Variants in SURF4 observed in about 807,000 individuals in gnomAD.
The protein encoded by SURF4 is surfeit locus protein 4.
In SURF4, 3 loss-of-function variants were observed where a neutral mutation model predicts 30.0. The observed-to-expected ratio is 0.10, with a 90% CI of 0.05 to 0.26. SURF4 has a LOEUF of 0.26. Among genes scored for constraint, SURF4 ranks in the 10% least tolerant of loss-of-function variants. SURF4 has a pLI of 1.00. For missense variants in SURF4, 217 were observed against 350.8 expected (o/e 0.62, Z 3.05); for synonymous variants, 143 against 139.9 (o/e 1.02, Z -0.16).
At chr9:133,376,343 G>T (rs909078119), upstream of SURF4, 12 of 1,381,398 alleles carry the variant, frequency 8.7e-6, no homozygotes, top group Non-Finnish European at 1.1e-5. Flanking sequence ...GGGGTCTGGG[G>T]CCAGCGCGCG....
At position 133,362,323 on chromosome 9, in the gene SURF4, AAC is replaced by A. The variant is rs923606595; in HGVS notation, c.*1168_*1169del. 1.3e-5 allele frequency: 2 copies of A among 152,652 alleles called. No individual in the cohort carries two copies. Among genetic ancestry groups the A allele is most frequent in the Non-Finnish European group, 2.9e-5 (2 of 68,036 alleles). 9.5% of individuals were successfully genotyped at this position (152,652 alleles called of 1,614,324 possible). A position where few individuals can be genotyped will look rare whatever the true frequency, so the allele number is the denominator to read the frequency against. ...GCAGTTAAGCTCCCCCAAAAAGAGA[AAC>A]ACAGTATAAGGCAGTGTTAGAAAAC... On this transcript the variant is annotated 3_prime_UTR_variant, in exon 6 of 6. Coordinates refer to ENST00000371989, the MANE Select transcript of SURF4 (RefSeq NM_033161.4).
At chr9:133,367,538 C>G (rs2130145389) in intron 1 of SURF4, 93 bp from the exon 2 acceptor site, 2 of 1,584,240 alleles carry the variant, frequency 1.3e-6, no homozygotes. Flanking sequence ...GTGTGAGGAA[C>G]AGACGCTGTG....
intron 1 of SURF4, chr9:133,371,069 G>A: frequency 8.1e-7 from 1 of 1,234,998 alleles, no homozygotes; most frequent in Non-Finnish European, 1.0e-6. Flanking sequence ...TGACTTCCTG[G>A]GCATCCAGTG....
intron 4 of SURF4, among the ~76,000 whole-genome samples, chr9:133,365,732 C>T (rs1217436248): frequency 6.6e-6 from 1 of 152,194 alleles, no homozygotes; most frequent in Non-Finnish European, 1.5e-5. Context: ...TTTAGAAATA[C>T]AGATTGAGTA....
rs916017656 is a variant in SURF4, at chr9:133,372,562, C to G, written c.48+3360G>C. 4 of 982,284 alleles carry G rather than the reference C, an allele frequency of 4.1e-6. No individual in the cohort carries two copies. The South Asian group carries it at 1.4e-4, about 35-fold the overall frequency. The allele number at this position is 982,284 out of a possible 1,614,324, so 60.8% of individuals were successfully genotyped here. A position where few individuals can be genotyped will look rare whatever the true frequency, so the allele number is the denominator to read the frequency against. On this transcript the variant is annotated intron_variant, in intron 1 of 5. Transcript: ENST00000371989. Reference sequence around the variant, plus strand: ...GTCATTGTCATAATACTGGAAGACACTGGGCCTGGGAAACTAAGCTTACTT... The same window carrying G: ...GTCATTGTCATAATACTGGAAGACAGTGGGCCTGGGAAACTAAGCTTACTT...
intron 1 of SURF4, among the ~76,000 whole-genome samples, chr9:133,374,703 T>C (rs1440494239): frequency 2.0e-5 from 3 of 152,218 alleles, no homozygotes; most frequent in African/African-American, 7.2e-5. Context: ...ACAGAAAGTG[T>C]TGCAATGAGA....
Position 133,373,781 on chromosome 9 carries a change from G to A in SURF4, c.48+2141C>T, listed in dbSNP as rs2130213441. 4.6e-5 allele frequency among the ~76,000 whole-genome samples: 7 copies of A among 151,272 alleles called. No individual in the cohort carries two copies. In the East Asian group the frequency reaches 5.8e-4, roughly 13 times the overall value. On this transcript the variant is annotated intron_variant, in intron 1 of 5. Transcript: ENST00000371989. The stretch of plus-strand genomic sequence containing the variant: ...AAAAATACAAAAAAATTAGCTGGGC[G>A]TGGTGGCAGGCGCCTGTAATCCCAG...
chr9:133,377,232 T>G (rs1837999045), upstream of SURF4, among the ~76,000 whole-genome samples: 1 of 151,496 alleles, frequency 6.6e-6, no homozygotes, highest in South Asian at 2.1e-4. Flanking sequence ...TAAAAAAAAA[T>G]AGACGTTTCA....
chr9:133,377,531 C>T (rs984487806), upstream of SURF4, among the ~76,000 whole-genome samples: 3 of 152,132 alleles, frequency 2.0e-5, no homozygotes, highest in Admixed American at 6.5e-5. Flanking sequence ...GGTGTGGTGG[C>T]GCATGCCTGT....
chr9:133,364,010 A>C, intron 5 of SURF4: 3 of 699,090 alleles, frequency 4.3e-6, no homozygotes, highest in Non-Finnish European at 7.9e-6. Context: ...GCTGTGATTT[A>C]CCAAGATGAA....
chr9:133,364,266 G>A (rs2130100547), intron 5 of SURF4, among the ~76,000 whole-genome samples: 15 of 152,310 alleles, frequency 9.8e-5, no homozygotes, highest in East Asian at 1.9e-4. Context: ...AGGGGAGCCC[G>A]GGTGGAGAGC....
Position 133,371,342 on chromosome 9 carries a change from G to A in SURF4, c.49-3897C>T, listed in dbSNP as rs2130188113. ...CACATCAGCCTGTCAGAGCTGGCTC[G>A]AGCTCACTGGCTCACTGCAGCTCCA... On this transcript the variant is annotated intron_variant, in intron 1 of 5. Coordinates refer to ENST00000371989, the MANE Select transcript of SURF4 (RefSeq NM_033161.4). 7.4e-4 allele frequency among the ~76,000 whole-genome samples: 113 copies of A among 152,308 alleles called. 1 individual carries two copies. The highest frequency in any genetic ancestry group is 6.8e-3 in the South Asian group (33 of 4,826).
chr9:133,365,213 T>C (rs587634741), intron 4 of SURF4, among the ~76,000 whole-genome samples, 187 bp from the exon 5 acceptor site: 1 of 152,116 alleles, frequency 6.6e-6, no homozygotes, highest in African/African-American at 2.4e-5. Context: ...GTTACACCCA[T>C]GTAAAACCTT....
At chr9:133,376,064 C>T (rs1837912192), upstream of SURF4, 1 of 1,208,414 alleles carries the variant, frequency 8.3e-7, no homozygotes, top group Admixed American at 4.4e-5. Flanking sequence ...AGGAAGTGCC[C>T]GGCGGCCGGC....
At chr9:133,369,059 T>C (rs144539704) in intron 1 of SURF4, among the ~76,000 whole-genome samples, 1,623 of 152,320 alleles carry the variant, frequency 0.011, 13 homozygotes, top group Non-Finnish European at 0.015. Flanking sequence ...CCATCTCAGT[T>C]ACCACGCCCC....
chr9:133,364,525 T>C (rs1424304029), intron 5 of SURF4, among the ~76,000 whole-genome samples: 1 of 152,022 alleles, frequency 6.6e-6, no homozygotes, highest in Non-Finnish European at 1.5e-5. Flanking sequence ...ACCCTGTCTC[T>C]ACTAAAAATA....
At chr9:133,375,238 C>T in intron 1 of SURF4, 1 of 985,490 alleles carries the variant, frequency 1.0e-6, no homozygotes, top group South Asian at 4.7e-5. Context: ...CAGAATGCCA[C>T]CTGGACACTT....
chr9:133,364,286 C>G (rs1162232100), intron 5 of SURF4, among the ~76,000 whole-genome samples: 1 of 152,192 alleles, frequency 6.6e-6, no homozygotes, highest in African/African-American at 2.4e-5. Context: ...CCTTGGCCAA[C>G]CAAGGGCCAA....
chr9:133,371,463 T>C (rs1189720773), intron 1 of SURF4, among the ~76,000 whole-genome samples: 1 of 152,168 alleles, frequency 6.6e-6, no homozygotes, highest in Non-Finnish European at 1.5e-5. Flanking sequence ...TGGGAGATGA[T>C]GGCCTGGCTT....
Sources: gnomAD v4.1 joint callset for allele counts (sites outside exome capture counted in the v4.1 genomes callset) on GRCh38, gnomAD v4.1.1 for gene constraint, MANE v1.5 for transcripts, NCBI Gene and HGNC (gene_info 2026-07-23, HGNC 2026-07-21) for gene names.